RGS12: variants seen among roughly 807,000 people sequenced by gnomAD.
RGS12 encodes the protein regulator of G-protein signaling 12.
In RGS12, 66 loss-of-function variants were observed where a neutral mutation model predicts 120.1. That is an observed-to-expected ratio of 0.55 (90% CI 0.45 to 0.67). RGS12 has a LOEUF of 0.67. Among genes scored for constraint, RGS12 ranks in the 30% least tolerant of loss-of-function variants. RGS12 has a pLI of 0.00. For synonymous variants in RGS12, 827 were observed against 804.7 expected, an observed-to-expected ratio of 1.03 and a Z score of -0.47; for missense variants, 1,859 against 1,957.7, an observed-to-expected ratio of 0.95 and a Z score of 0.95.
chr4:3,372,756 C>T lies in RGS12; in HGVS notation c.1999-13660C>T, dbSNP rs749799126. Among the ~76,000 whole-genome samples, 1 of 152,316 alleles carries T rather than the reference C, an allele frequency of 6.6e-6. No individual in the cohort carries two copies. The highest frequency in any genetic ancestry group is 6.5e-5 in the Admixed American group (1 of 15,292). On this transcript the variant is annotated intron_variant, in intron 3 of 17. Transcript: ENST00000336727. The surrounding 1 kb of genome is among the most constrained non-coding windows in gnomAD (Gnocchi z 4.3). ...TAGAGACTTGGGAGCACATGAGGTG[C>T]GGTGTAGATTTGTCTTCATTTCTCT...
At position 3,430,438 on chromosome 4, in the gene RGS12, C is replaced by T; in HGVS notation, c.3597C>T (p.Ser1199=). The T allele has an allele frequency of 6.2e-7, 1 of 1,613,666 alleles. No homozygotes were observed. The highest frequency in any genetic ancestry group is 8.5e-7 in the Non-Finnish European group (1 of 1,179,848). The change falls in exon 17 of 18, where the codon AGC becomes AGT. Residue 1199 remains serine (S), a synonymous_variant. Transcript: ENST00000336727. ...TTGAGCTTATTTCCAAAGCTCAGAG[C>T]AACAGAGCAGATGACCAACGTGGGC... is the stretch of plus-strand genomic sequence containing the variant. ...EFFELISKAQ[S]NRADDQRGLL...
At position 3,372,658 on chromosome 4, in the gene RGS12, C is replaced by A. The variant is rs1387170360; in HGVS notation, c.1999-13758C>A. Among the ~76,000 whole-genome samples the A allele has an allele frequency of 6.6e-6, 1 of 152,228 alleles. No individual in the cohort carries two copies. Among genetic ancestry groups the A allele is most frequent in the Non-Finnish European group, 1.5e-5 (1 of 68,038 alleles). On this transcript the variant is annotated intron_variant, in intron 3 of 17. Coordinates refer to ENST00000336727, the MANE Select transcript of RGS12 (RefSeq NM_001394154.1). The surrounding 1 kb of genome is among the most constrained non-coding windows in gnomAD (Gnocchi z 4.3). The stretch of plus-strand genomic sequence containing the variant: ...TTTGTGACGTCTCAGGGTGTCCTTT[C>A]TTTCCTTCATGAGAAGAAGTTCTGC...
chr4:3,337,768 T>G (rs1443054973), intron 2 of RGS12, among the ~76,000 whole-genome samples: 1 of 152,206 alleles, frequency 6.6e-6, no homozygotes, highest in African/African-American at 2.4e-5. Context: ...AGGACGGTGG[T>G]GATGCTTGCA....
intron 3 of RGS12, among the ~76,000 whole-genome samples, chr4:3,383,200 C>A (rs894579304): frequency 6.6e-6 from 1 of 152,144 alleles, no homozygotes; most frequent in African/African-American, 2.4e-5. Context: ...AGGCTCACTG[C>A]GGGCTACCCG....
At position 3,428,819 on chromosome 4, in the gene RGS12, G is replaced by A. The variant is rs953731902; in HGVS notation, c.3565+108G>A. On this transcript the variant is annotated intron_variant, in intron 16 of 17. Coordinates refer to ENST00000336727, the MANE Select transcript of RGS12 (RefSeq NM_001394154.1). ...GTCAGCATCTGGGTGACTGCGGTCCGTCCCTGTGGCCTGGAAGACATGTTT... is the reference window on the plus strand; with the variant it reads ...GTCAGCATCTGGGTGACTGCGGTCCATCCCTGTGGCCTGGAAGACATGTTT... The A allele has an allele frequency of 2.7e-5, 26 of 956,694 alleles. No individual in the cohort carries two copies. In the African/African-American group the frequency reaches 3.0e-4, roughly 11 times the overall value. The allele number at this position is 956,694 out of a possible 1,614,324, so 59.3% of individuals were successfully genotyped here. A position where few individuals can be genotyped will look rare whatever the true frequency, so the allele number is the denominator to read the frequency against.
chr4:3,380,085 G>A (rs1436754021), intron 3 of RGS12, among the ~76,000 whole-genome samples: 3 of 152,314 alleles, frequency 2.0e-5, no homozygotes, highest in African/African-American at 4.8e-5. Flanking sequence ...GGATACAATC[G>A]GATTACAGGT....
At chr4:3,350,048 T>C (rs1714215262) in intron 3 of RGS12, among the ~76,000 whole-genome samples, 1 of 152,246 alleles carries the variant, frequency 6.6e-6, no homozygotes, top group African/African-American at 2.4e-5. Context: ...AAAGCTAGTC[T>C]TCATTTCAAG....
At chr4:3,328,422 TAG>T (rs1437149405) in intron 2 of RGS12, among the ~76,000 whole-genome samples, 1 of 152,168 alleles carries the variant, frequency 6.6e-6, no homozygotes, top group African/African-American at 2.4e-5. Flanking sequence ...CTAAGAAAAC[TAG>T]AGAGTGGGTC....
chr4:3,357,044 C>T (rs1283252296), intron 3 of RGS12, among the ~76,000 whole-genome samples: 5 of 152,152 alleles, frequency 3.3e-5, no homozygotes, highest in African/African-American at 9.7e-5. Flanking sequence ...TCCTTGACAA[C>T]AGCACTTTCT....
intron 2 of RGS12, among the ~76,000 whole-genome samples, chr4:3,340,585 C>T (rs749019070): frequency 3.3e-5 from 5 of 152,230 alleles, no homozygotes; most frequent in Non-Finnish European, 7.3e-5. Context: ...CAGAAGAGCA[C>T]GCTGGCAGGA....
chr4:3,289,744 A>G (rs189723675), upstream of RGS12, among the ~76,000 whole-genome samples: 33 of 150,834 alleles, frequency 2.2e-4, no homozygotes, highest in East Asian at 6.0e-3. Context: ...CATGCTGTAC[A>G]ATAGATCTTC....
At chr4:3,414,590 A>C (rs1722129789) in intron 5 of RGS12, 162 bp from the exon 6 acceptor site, 4 of 630,036 alleles carry the variant, frequency 6.3e-6, no homozygotes, top group Admixed American at 2.9e-5. Context: ...TGGAAGCAGC[A>C]GTGCGGTTCC....
At chr4:3,402,755 C>T (rs1263715236) in intron 4 of RGS12, among the ~76,000 whole-genome samples, 1 of 152,160 alleles carries the variant, frequency 6.6e-6, no homozygotes, top group Non-Finnish European at 1.5e-5. Context: ...AGAAGAATGT[C>T]TTTACAAAGT....
chr4:3,327,267 T>C (rs1010587471), intron 2 of RGS12, among the ~76,000 whole-genome samples: 6 of 152,204 alleles, frequency 3.9e-5, no homozygotes, highest in Non-Finnish European at 8.8e-5. Flanking sequence ...ACTGGACTGC[T>C]ATCTCTCACC....
intron 3 of RGS12, among the ~76,000 whole-genome samples, chr4:3,368,129 TG>T (rs1256887401): frequency 1.3e-5 from 2 of 152,108 alleles, no homozygotes; most frequent in South Asian, 2.1e-4. Flanking sequence ...CTGGGGGCCC[TG>T]GGGGGCCAGG....
chr4:3,416,486 GC>G (rs1337758344), intron 7 of RGS12, among the ~76,000 whole-genome samples: 1 of 152,198 alleles, frequency 6.6e-6, no homozygotes, highest in Non-Finnish European at 1.5e-5. Context: ...TGGGCATTAG[GC>G]CCCAGGCTAT....
chr4:3,432,953 C>G (rs1320440664), intron 17 of RGS12, among the ~76,000 whole-genome samples: 3 of 152,214 alleles, frequency 2.0e-5, no homozygotes, highest in Admixed American at 6.5e-5. Flanking sequence ...GATGTTGGCT[C>G]AAGCCTGCTG....
chr4:3,427,750 A>G (rs1723806960), intron 14 of RGS12, among the ~76,000 whole-genome samples: 1 of 152,216 alleles, frequency 6.6e-6, no homozygotes, highest in South Asian at 2.1e-4. Flanking sequence ...AAAGAAAAAA[A>G]AGAAAGAAAA....
At chr4:3,356,650 G>A (rs1217683735) in intron 3 of RGS12, among the ~76,000 whole-genome samples, 1 of 148,944 alleles carries the variant, frequency 6.7e-6, no homozygotes, top group Non-Finnish European at 1.5e-5. Context: ...TACAGTATTT[G>A]TCTTTTTGTA....
Sources: allele counts gnomAD v4.1 joint callset (sites outside exome capture counted in the v4.1 genomes callset), GRCh38; gene constraint gnomAD v4.1.1; non-coding constraint Gnocchi (gnomAD v3.1); transcripts MANE v1.5; gene names NCBI Gene and HGNC (gene_info 2026-07-23, HGNC 2026-07-21).